Variants in TVP23C observed in about 807,000 individuals in gnomAD.
The protein encoded by TVP23C is trans-golgi network vesicle protein 23 homolog C.
In TVP23C, 19 loss-of-function variants were observed where a neutral mutation model predicts 28.7. The ratio of observed to expected loss-of-function variants is 0.66; its 90% CI spans 0.46 to 0.97. The LOEUF is 0.97. Ranked by LOEUF, TVP23C falls within the 50% of genes least tolerant of loss-of-function variation. The pLI is 0.00. For missense variants in TVP23C, 186 were observed against 241.3 expected (o/e 0.77, Z 1.52); for synonymous variants, 68 against 81.7 (o/e 0.83, Z 0.90).
At chr17:15,502,972 T>C (rs1401069714) in exon 6 of TVP23C, 1 of 1,614,036 alleles carries the variant, frequency 6.2e-7, no homozygotes, top group Non-Finnish European at 8.5e-7. Context: ...AGGAGAGAAA[T>C]AGGCGGGCGG....
At chr17:15,504,088 T>C (rs1208058586) in intron 5 of TVP23C, among the ~76,000 whole-genome samples, 54 of 152,164 alleles carry the variant, frequency 3.5e-4, no homozygotes, top group Non-Finnish European at 2.9e-5. Flanking sequence ...CCCCTGAACA[T>C]GGTCCTGTCC....
At chr17:15,507,070 T>C in intron 5 of TVP23C, 3 of 1,203,406 alleles carry the variant, frequency 2.5e-6, no homozygotes, top group Non-Finnish European at 2.4e-6. Context: ...TGACTTCACA[T>C]GCCATAATGG....
chr17:15,507,705 G>T (rs1981822876), intron 5 of TVP23C, among the ~76,000 whole-genome samples: 1 of 152,134 alleles, frequency 6.6e-6, no homozygotes, highest in Non-Finnish European at 1.5e-5. Context: ...CGGGTCTGGT[G>T]GCGGGTGCCT....
chr17:15,503,403 A>G (rs1319276721), intron 5 of TVP23C: 4 of 831,100 alleles, frequency 4.8e-6, no homozygotes, highest in Non-Finnish European at 7.0e-6. Context: ...AGACCATGAT[A>G]TTTCAAGAAA....
intron 5 of TVP23C, among the ~76,000 whole-genome samples, chr17:15,529,203 G>A (rs943839831): frequency 6.6e-6 from 1 of 152,060 alleles, no homozygotes; most frequent in Non-Finnish European, 1.5e-5. Flanking sequence ...TGTAATCCCA[G>A]CACTTTGGGA....
intron 3 of TVP23C, among the ~76,000 whole-genome samples, chr17:15,551,903 T>C (rs1424262965): frequency 2.0e-5 from 3 of 152,224 alleles, no homozygotes; most frequent in Non-Finnish European, 4.4e-5. Flanking sequence ...CAAGTCCACT[T>C]AATAATTTCC....
exon 6 of TVP23C, chr17:15,502,696 G>A (rs747869077): frequency 6.5e-5 from 75 of 1,148,438 alleles, no homozygotes; most frequent in Non-Finnish European, 8.2e-5. Flanking sequence ...CAAGTTCCCT[G>A]TTCGTTCGTT....
intron 1 of TVP23C, 118 bp downstream of exon 1, chr17:15,563,319 G>A: frequency 2.0e-6 from 3 of 1,500,812 alleles, no homozygotes; most frequent in Middle Eastern, 2.4e-4. Flanking sequence ...ACTCCCGGCC[G>A]CCCCGCTCCT....
chr17:15,504,575 T>C (rs1262154079), intron 5 of TVP23C, among the ~76,000 whole-genome samples: 1 of 151,988 alleles, frequency 6.6e-6, no homozygotes, highest in African/African-American at 2.4e-5. Context: ...GACAATTTTT[T>C]TTTAAGAGAC....
At chr17:15,504,239 C>T (rs1463107361) in intron 5 of TVP23C, among the ~76,000 whole-genome samples, 1 of 152,190 alleles carries the variant, frequency 6.6e-6, no homozygotes, top group East Asian at 1.9e-4. Context: ...TCAACAGGAA[C>T]AAGACTATGA....
chr17:15,546,871 T>C (rs1258748303), intron 4 of TVP23C, among the ~76,000 whole-genome samples, 188 bp downstream of exon 4: 1 of 152,014 alleles, frequency 6.6e-6, no homozygotes, highest in Non-Finnish European at 1.5e-5. Context: ...GTTCGTATAT[T>C]GCTTGTTTCT....
intron 5 of TVP23C, chr17:15,507,377 AC>A: frequency 1.5e-6 from 1 of 665,572 alleles, no homozygotes; most frequent in Non-Finnish European, 2.7e-6. Context: ...CTTTATCTTA[AC>A]CACTGGACCA....
intron 5 of TVP23C, chr17:15,507,251 G>A: frequency 1.4e-6 from 1 of 737,850 alleles, no homozygotes. Flanking sequence ...TCTCTGGCAA[G>A]GTGAGAGAAG....
chr17:15,550,831 T>C (rs1364524373), intron 3 of TVP23C, among the ~76,000 whole-genome samples: 1 of 152,208 alleles, frequency 6.6e-6, no homozygotes, highest in Non-Finnish European at 1.5e-5. Context: ...TGCCTTCTTT[T>C]GTTTTTTCTA....
chr17:15,509,452 C>T (rs962947327), intron 5 of TVP23C, among the ~76,000 whole-genome samples: 1 of 152,230 alleles, frequency 6.6e-6, no homozygotes. Context: ...GCGCTGACCG[C>T]ACCTTCTTTC....
intron 5 of TVP23C, among the ~76,000 whole-genome samples, chr17:15,505,089 T>C (rs970724303): frequency 2.0e-5 from 3 of 151,698 alleles, no homozygotes; most frequent in African/African-American, 7.3e-5. Flanking sequence ...ACTGAAGAGG[T>C]AGTGGTAATG....
intron 5 of TVP23C, among the ~76,000 whole-genome samples, chr17:15,525,553 T>C (rs142363023): frequency 0.054 from 8,198 of 152,132 alleles, 644 homozygotes; most frequent in African/African-American, 0.19. Flanking sequence ...GACCTCAAGA[T>C]TGCAACATCA....
Position 15,538,533 on chromosome 17 carries a change from T to C in TVP23C, c.*1879A>G. 1 of 885,192 alleles carries C rather than the reference T, an allele frequency of 1.1e-6. No homozygotes were observed. Among genetic ancestry groups the C allele is most frequent in the Non-Finnish European group, 1.4e-6 (1 of 738,532 alleles). The allele number at this position is 885,192 out of a possible 1,614,324, so 54.8% of individuals were successfully genotyped here. On this transcript the variant is annotated 3_prime_UTR_variant, in exon 6 of 6. Coordinates refer to ENST00000518321, the MANE Select transcript of TVP23C (RefSeq NM_001135036.2). ...TGAACCCGGGAGGTGGAGTTTGCAGTGAGCCGAGATCGCGCCACTGCACTC... is the reference window on the plus strand; with the variant it reads ...TGAACCCGGGAGGTGGAGTTTGCAGCGAGCCGAGATCGCGCCACTGCACTC...
At chr17:15,544,704 T>G (rs1274285619) in intron 5 of TVP23C, among the ~76,000 whole-genome samples, 1 of 152,002 alleles carries the variant, frequency 6.6e-6, no homozygotes, top group East Asian at 1.9e-4. Context: ...TCCTAATTCA[T>G]GAAAGAGGGT....
Sources: gnomAD v4.1 joint callset for allele counts (sites outside exome capture counted in the v4.1 genomes callset) on GRCh38, gnomAD v4.1.1 for gene constraint, MANE v1.5 for transcripts, NCBI Gene and HGNC (gene_info 2026-07-23, HGNC 2026-07-21) for gene names.